RABGAP1: variants seen among roughly 807,000 people sequenced by gnomAD.
The protein encoded by RABGAP1 is rab GTPase-activating protein 1.
RABGAP1 carries 23 observed loss-of-function variants against 137.6 expected under a neutral mutation model. That is an observed-to-expected ratio of 0.17 (90% CI 0.12 to 0.24). The LOEUF (loss-of-function observed/expected upper bound fraction) is 0.24, where lower values mean the gene tolerates loss of function less well. Among genes scored for constraint, RABGAP1 ranks in the 10% least tolerant of loss-of-function variants. The pLI is 1.00. For missense variants in RABGAP1, 906 were observed against 1,275.8 expected (o/e 0.71, Z 4.42); for synonymous variants, 451 against 450.7 (o/e 1.00, Z -0.01).
intron 12 of RABGAP1, among the ~76,000 whole-genome samples, chr9:123,020,083 A>G (rs1588281461): frequency 6.6e-6 from 1 of 150,902 alleles, no homozygotes; most frequent in Non-Finnish European, 1.5e-5. Flanking sequence ...ATTTAAAAAT[A>G]CTTAAGAAGC....
At chr9:123,059,320 C>T (rs947215486) in intron 13 of RABGAP1, among the ~76,000 whole-genome samples, 14 of 151,968 alleles carry the variant, frequency 9.2e-5, no homozygotes, top group South Asian at 2.1e-4. Flanking sequence ...TTTGGGAGGC[C>T]GAGGCGGGCG....
In RABGAP1 at chr9:123,024,410, C is replaced by T. The variant is rs150923944; in HGVS notation, c.1794+3951C>T. 5.9e-5 allele frequency among the ~76,000 whole-genome samples: 9 copies of T among 151,742 alleles called. No individual in the cohort carries two copies. The East Asian group carries it at 1.5e-3, about 26-fold the overall frequency. ...AGTTGTTATATTTAATTTTTACTAT[C>T]AGTGGATGTAAGTGATGCCAGCATA... On this transcript the variant is annotated intron_variant, in intron 13 of 25. Coordinates refer to ENST00000373647, the MANE Select transcript of RABGAP1 (RefSeq NM_012197.4).
intron 13 of RABGAP1, among the ~76,000 whole-genome samples, chr9:123,025,642 T>C (rs936076245): frequency 6.6e-6 from 1 of 151,594 alleles, no homozygotes; most frequent in Non-Finnish European, 1.5e-5. Context: ...ACTTAGCATG[T>C]TCACACTACA....
Position 123,065,481 on chromosome 9 carries a change from AAAAG to A in RABGAP1, c.1908+21_1908+24del, listed in dbSNP as rs769572599. The stretch of plus-strand genomic sequence containing the variant: ...TGCAAGGTATTTCATGTCAAAAAAA[AAAAG>A]GACTCAATTCTGAGTGGTGGTTCTA... On this transcript the variant is annotated intron_variant, in intron 14 of 25. Transcript: ENST00000373647. 6.6e-6 allele frequency: 10 copies of A among 1,518,468 alleles called. No individual in the cohort carries two copies. The highest frequency in any genetic ancestry group is 1.7e-5 in the Admixed American group (1 of 59,832). The allele number at this position is 1,518,468 out of a possible 1,614,324, so 94.1% of individuals were successfully genotyped here. A position where few individuals can be genotyped will look rare whatever the true frequency, so the allele number is the denominator to read the frequency against.
intron 13 of RABGAP1, among the ~76,000 whole-genome samples, chr9:123,052,212 G>A (rs139547238): frequency 6.6e-6 from 1 of 152,312 alleles, no homozygotes; most frequent in East Asian, 1.9e-4. Context: ...AAGAAGGTGA[G>A]CTAGGAAGCC....
At chr9:123,002,356 T>TTA (rs1554797081) in intron 10 of RABGAP1, among the ~76,000 whole-genome samples, 10,078 of 57,352 alleles carry the variant, frequency 0.18, 487 homozygotes, top group East Asian at 0.54. Flanking sequence ...TATATTTTTA[T>TTA]TATATATATA....
chr9:122,953,318 C>T (rs1834349512), intron 1 of RABGAP1, among the ~76,000 whole-genome samples: 1 of 151,796 alleles, frequency 6.6e-6, no homozygotes, highest in Admixed American at 6.6e-5. Flanking sequence ...TATACAGTAG[C>T]TCTATGAGAT....
rs59639446 is a variant in RABGAP1 at position 123,047,919 on chromosome 9, G to GTTTTTTTTTTTTTTTTT, written c.1795-17409_1795-17393dup. 9.6e-5 allele frequency among the ~76,000 whole-genome samples: 6 copies of GTTTTTTTTTTTTTTTTT among 62,282 alleles called. 2 individuals carry two copies. The highest frequency in any genetic ancestry group is 2.1e-4 in the Non-Finnish European group (6 of 28,026). 40.9% of individuals were successfully genotyped at this position (62,282 alleles called of 152,430 possible). A position where few individuals can be genotyped will look rare whatever the true frequency, so the allele number is the denominator to read the frequency against. The stretch of plus-strand genomic sequence containing the variant: ...TATCTAGCCATTTTACAGCTGCTGG[G>GTTTTTTTTTTTTTTTTT]TTTTTTTTTTTTTTTTTTTTTTTTT... On this transcript the variant is annotated intron_variant, in intron 13 of 25. Transcript: ENST00000373647.
In RABGAP1 at chr9:122,997,873, A is replaced by G. The variant is rs116789432; in HGVS notation, c.1204+512A>G. On this transcript the variant is annotated intron_variant, in intron 9 of 25. Coordinates refer to ENST00000373647, the MANE Select transcript of RABGAP1 (RefSeq NM_012197.4). ...TCTGAAAATGTAATTTGCTTAATAA[A>G]TGCCTCTTATTGAGCATTTTTCCCC... 8.9e-3 allele frequency among the ~76,000 whole-genome samples: 1,359 copies of G among 152,302 alleles called. 23 individuals carry two copies. Among genetic ancestry groups the G allele is most frequent in the African/African-American group, 0.031 (1,298 of 41,552 alleles).
chr9:122,957,353 T>G (rs1834581558), intron 2 of RABGAP1, 144 bp downstream of exon 2: 1 of 660,206 alleles, frequency 1.5e-6, no homozygotes, highest in Non-Finnish European at 2.2e-6. Context: ...TTATTTGCAC[T>G]TAGTGAGAAG....
chr9:123,097,810 G>T lies in RABGAP1; in HGVS notation c.2698G>T (p.Glu900Ter). Residue 900 changes from glutamate to a stop codon, truncating the protein, a stop_gained, in exon 22 of 26, where the codon GAA becomes TAA. Coordinates refer to ENST00000373647, the MANE Select transcript of RABGAP1 (RefSeq NM_012197.4). LOFTEE classifies it high-confidence loss of function. ...CAAACAGAAGTTGATTGATGCAGAA[G>T]AAGAGAAAAGACGGCTGGAAGAAGA... ...MTKQKLIDAE[E>*]EKRRLEEESA... 6.2e-7 allele frequency: 1 copy of T among 1,613,882 alleles called. No individual in the cohort carries two copies. The highest frequency in any genetic ancestry group is 8.5e-7 in the Non-Finnish European group (1 of 1,179,938).
At chr9:123,009,324 T>TA (rs1178040184) in intron 10 of RABGAP1, among the ~76,000 whole-genome samples, 4 of 152,244 alleles carry the variant, frequency 2.6e-5, no homozygotes, top group African/African-American at 9.6e-5. Context: ...ATCGTGGCCT[T>TA]ACTTCCATGA....
intron 19 of RABGAP1, among the ~76,000 whole-genome samples, chr9:123,078,310 A>C (rs2034585937): frequency 6.6e-6 from 1 of 152,220 alleles, no homozygotes; most frequent in African/African-American, 2.4e-5. Flanking sequence ...ATTCTATTTA[A>C]AATGTTACAT....
chr9:123,101,247 G>T (rs1210156648), intron 24 of RABGAP1, among the ~76,000 whole-genome samples: 1 of 151,976 alleles, frequency 6.6e-6, no homozygotes, highest in Non-Finnish European at 1.5e-5. Context: ...TTTATCCCCT[G>T]CTTTTTTGCC....
chr9:122,987,452 G>A (rs1391381528), intron 4 of RABGAP1, among the ~76,000 whole-genome samples: 1 of 151,704 alleles, frequency 6.6e-6, no homozygotes, highest in Non-Finnish European at 1.5e-5. Context: ...ATATGTCTAG[G>A]TATATGTAAA....
chr9:123,097,243 G>A (rs2035212369), intron 21 of RABGAP1, among the ~76,000 whole-genome samples: 1 of 152,200 alleles, frequency 6.6e-6, no homozygotes, highest in African/African-American at 2.4e-5. Flanking sequence ...AAAGTGCCAG[G>A]AAAGGGGCAG....
intron 13 of RABGAP1, among the ~76,000 whole-genome samples, chr9:123,024,033 G>C (rs2031810160): frequency 6.6e-6 from 1 of 152,114 alleles, no homozygotes. Flanking sequence ...CTTGTATGGG[G>C]TACATGTGGG....
At chr9:122,996,016 AT>A in intron 6 of RABGAP1, 24 bp from the exon 7 acceptor site, 1 of 1,553,182 alleles carries the variant, frequency 6.4e-7, no homozygotes, top group Non-Finnish European at 8.6e-7. Flanking sequence ...GCTTTGCAAA[AT>A]TAATGAAACA....
intron 2 of RABGAP1, among the ~76,000 whole-genome samples, chr9:122,962,663 A>G (rs1287516161): frequency 6.6e-6 from 1 of 152,206 alleles, no homozygotes; most frequent in Admixed American, 6.5e-5. Context: ...AGAGAAAGCA[A>G]TAATAGAGGC....
Sources: allele counts gnomAD v4.1 joint callset (sites outside exome capture counted in the v4.1 genomes callset), GRCh38; gene constraint gnomAD v4.1.1; transcripts MANE v1.5; gene names NCBI Gene and HGNC (gene_info 2026-07-23, HGNC 2026-07-21).